TNPO3: variants seen among roughly 807,000 people sequenced by gnomAD.
TNPO3 encodes the protein transportin 3, also known as transportin-3.
TNPO3 carries 65 observed loss-of-function variants against 122.8 expected under a neutral mutation model. The observed-to-expected ratio is 0.53, with a 90% CI of 0.43 to 0.65. TNPO3 has a LOEUF of 0.65. Among genes scored for constraint, TNPO3 ranks in the 30% least tolerant of loss-of-function variants. The pLI, the probability that TNPO3 is intolerant of heterozygous loss-of-function variation, is 0.00. For synonymous variants in TNPO3, 372 were observed against 411.2 expected, an observed-to-expected ratio of 0.90 and a Z score of 1.15; for missense variants, 850 against 1,136.7, an observed-to-expected ratio of 0.75 and a Z score of 3.63.
At chr7:129,056,175 C>T (rs1365230535), upstream of TNPO3, 4 of 899,142 alleles carry the variant, frequency 4.4e-6, no homozygotes, top group Non-Finnish European at 5.7e-6. Context: ...CGAGTTGGCC[C>T]GGCAGAAGCT....
In TNPO3 at chr7:128,972,539, C is replaced by G; in HGVS notation, c.2317G>C (p.Val773Leu). Reference protein sequence around the residue: ...SPVTLLRSQVVIPILQWAIAS... With the variant: ...SPVTLLRSQVLIPILQWAIAS... ...ATGGCCCACTGTAAGATAGGGATGA[C>G]CACTTGGCTCCGCAGCAAGGTGACA... is the stretch of plus-strand genomic sequence containing the variant. Residue 773 changes from valine (V) to leucine (L), a missense_variant, in exon 19 of 23, where the codon GTC becomes CTC. Coordinates refer to ENST00000265388, the MANE Select transcript of TNPO3 (RefSeq NM_012470.4). 6.2e-7 allele frequency: 1 copy of G among 1,614,090 alleles called. No homozygotes were observed. The highest frequency in any genetic ancestry group is 8.5e-7 in the Non-Finnish European group (1 of 1,179,996).
intron 5 of TNPO3, among the ~76,000 whole-genome samples, chr7:129,004,050 GAGAC>G (rs1802303608): frequency 6.6e-6 from 1 of 152,142 alleles, no homozygotes; most frequent in Admixed American, 6.5e-5. Context: ...AACATAAATG[GAGAC>G]AGACAATGGC....
chr7:128,993,970 C>T, intron 8 of TNPO3, 56 bp from the exon 9 acceptor site: 1 of 1,465,692 alleles, frequency 6.8e-7, no homozygotes, highest in Admixed American at 1.9e-5. Flanking sequence ...TTTCAATGAC[C>T]TCTATAAAAT....
At chr7:129,004,922 C>T in intron 5 of TNPO3, 94 bp downstream of exon 5, 2 of 1,234,952 alleles carry the variant, frequency 1.6e-6, no homozygotes. Flanking sequence ...CTTCCAGTTA[C>T]TGTGCAAAAA....
At chr7:129,022,451 A>C (rs1804630860) in intron 1 of TNPO3, among the ~76,000 whole-genome samples, 1 of 151,892 alleles carries the variant, frequency 6.6e-6, no homozygotes, top group South Asian at 2.1e-4. Flanking sequence ...TGACAGAGCA[A>C]GACCCCGTTT....
At chr7:129,030,821 C>T (rs1183521678) in intron 1 of TNPO3, among the ~76,000 whole-genome samples, 1 of 152,154 alleles carries the variant, frequency 6.6e-6, no homozygotes, top group East Asian at 1.9e-4. Flanking sequence ...TTTTTATTCA[C>T]TTTTCTGATA....
rs779698799 is a variant in TNPO3, at chr7:128,986,953, C to A, written c.1499-33G>T. ...GAAAAGCCAAGCAGAGATTACATAT[C>A]TGAAACTAAAGGAAAACTTCTAGTT... On this transcript the variant is annotated intron_variant, in intron 11 of 22. Transcript: ENST00000265388. 4 of 1,547,810 alleles carry A rather than the reference C, an allele frequency of 2.6e-6. No homozygotes were observed. The South Asian group carries it at 4.9e-5, about 19-fold the overall frequency.
At chr7:129,025,956 T>C (rs1440704117) in intron 1 of TNPO3, among the ~76,000 whole-genome samples, 1 of 151,872 alleles carries the variant, frequency 6.6e-6, no homozygotes, top group African/African-American at 2.4e-5. Context: ...TAAAACCCCA[T>C]CTCTGCTAAA....
chr7:129,039,220 G>C (rs1807066535), intron 1 of TNPO3, among the ~76,000 whole-genome samples: 1 of 152,090 alleles, frequency 6.6e-6, no homozygotes, highest in East Asian at 1.9e-4. Context: ...AGTGTAAAAT[G>C]GTACAGCCAT....
chr7:128,955,758 CT>C (rs1285036023), intron 22 of TNPO3, among the ~76,000 whole-genome samples: 1 of 152,206 alleles, frequency 6.6e-6, no homozygotes, highest in Non-Finnish European at 1.5e-5. Context: ...TGAAAGAAGG[CT>C]TTGCCTACTA....
At chr7:128,984,844 A>C (rs978616628) in intron 12 of TNPO3, among the ~76,000 whole-genome samples, 4 of 152,238 alleles carry the variant, frequency 2.6e-5, no homozygotes, top group Admixed American at 2.6e-4. Context: ...AAGTTACAAA[A>C]GCCTCCTACC....
At chr7:129,013,310 C>T (rs1563102978) in intron 4 of TNPO3, among the ~76,000 whole-genome samples, 3 of 151,864 alleles carry the variant, frequency 2.0e-5, no homozygotes, top group South Asian at 4.1e-4. Context: ...TAAAAGGCTT[C>T]TGCACAGCAA....
chr7:128,990,239 T>C (rs1563095378), intron 10 of TNPO3, 139 bp from the exon 11 acceptor site: 2 of 932,020 alleles, frequency 2.1e-6, no homozygotes, highest in South Asian at 2.7e-5. Context: ...TTGGTATTTG[T>C]TATGAAAGAT....
At chr7:128,998,452 T>A (rs1037332152) in intron 7 of TNPO3, among the ~76,000 whole-genome samples, 4 of 152,172 alleles carry the variant, frequency 2.6e-5, no homozygotes, top group African/African-American at 9.6e-5. Context: ...ACTTCTGGGC[T>A]CAAGCAATCC....
chr7:129,004,941 C>A (rs1802404995), intron 5 of TNPO3, 75 bp downstream of exon 5: 3 of 1,478,826 alleles, frequency 2.0e-6, no homozygotes, highest in Non-Finnish European at 1.8e-6. Flanking sequence ...AATTTAAAAA[C>A]GTTTTTATGT....
At chr7:128,993,072 T>C (rs190476903) in intron 9 of TNPO3, among the ~76,000 whole-genome samples, 2 of 151,840 alleles carry the variant, frequency 1.3e-5, no homozygotes, top group Admixed American at 1.3e-4. Flanking sequence ...AAAATAGTTA[T>C]ACTTTTATTA....
intron 1 of TNPO3, among the ~76,000 whole-genome samples, chr7:129,033,911 A>G (rs1806253613): frequency 6.6e-6 from 1 of 151,466 alleles, no homozygotes; most frequent in Non-Finnish European, 1.5e-5. Flanking sequence ...AAACTCAAAA[A>G]AAAAAAAAAA....
At position 128,993,788 on chromosome 7, in the gene TNPO3, A is replaced by C. The variant is rs2150358452; in HGVS notation, c.1266+19T>G. On this transcript the variant is annotated intron_variant, in intron 9 of 22. Coordinates refer to ENST00000265388, the MANE Select transcript of TNPO3 (RefSeq NM_012470.4). ...TAAGGTGACTAGTAAAACTGGAAAC[A>C]ATCTCCAAATAGGCTTACCTGAGCA... The C allele has an allele frequency of 1.3e-6, 2 of 1,594,902 alleles. No individual in the cohort carries two copies. The highest frequency in any genetic ancestry group is 1.7e-6 in the Non-Finnish European group (2 of 1,168,862).
At chr7:128,977,536 C>T (rs1432667234) in intron 16 of TNPO3, among the ~76,000 whole-genome samples, 1 of 152,096 alleles carries the variant, frequency 6.6e-6, no homozygotes, top group Non-Finnish European at 1.5e-5. Context: ...CATGCCTGTG[C>T]CTGTGGTTGA....
Sources: allele counts gnomAD v4.1 joint callset (sites outside exome capture counted in the v4.1 genomes callset), GRCh38; gene constraint gnomAD v4.1.1; transcripts MANE v1.5; gene names NCBI Gene and HGNC (gene_info 2026-07-23, HGNC 2026-07-21).